Variants in KDM4C observed in about 807,000 individuals in gnomAD.
KDM4C encodes lysine-specific demethylase 4C.
Under a neutral mutation model 129.3 loss-of-function variants are expected in KDM4C, and 81 were observed. The observed-to-expected ratio is 0.63, with a 90% confidence interval of 0.52 to 0.75. The LOEUF is 0.75. Among genes scored for constraint, KDM4C ranks in the 30% least tolerant of loss-of-function variants. KDM4C has a pLI of 0.00. For missense variants in KDM4C, 1,457 were observed against 1,304.0 expected (o/e 1.12, Z -1.81); for synonymous variants, 573 against 456.1 (o/e 1.26, Z -3.26).
At chr9:6,792,380 T>C (rs922315768) in intron 1 of KDM4C, among the ~76,000 whole-genome samples, 3 of 152,094 alleles carry the variant, frequency 2.0e-5, no homozygotes, top group Non-Finnish European at 4.4e-5. Flanking sequence ...TATTTATTTT[T>C]TGAGACGGAG....
chr9:7,041,476 TC>T (rs1828599822), intron 15 of KDM4C, among the ~76,000 whole-genome samples: 1 of 152,032 alleles, frequency 6.6e-6, no homozygotes, highest in African/African-American at 2.4e-5. Flanking sequence ...CTCTGCCAAT[TC>T]CAGTTTGCTT....
chr9:6,969,278 T>G (rs1831531860), intron 8 of KDM4C, among the ~76,000 whole-genome samples: 1 of 152,244 alleles, frequency 6.6e-6, no homozygotes, highest in South Asian at 2.1e-4. Flanking sequence ...CTTAATGCTA[T>G]AGAGCCAGAA....
At chr9:7,124,257 A>G (rs1044280885) in intron 18 of KDM4C, among the ~76,000 whole-genome samples, 8 of 152,230 alleles carry the variant, frequency 5.3e-5, no homozygotes, top group Non-Finnish European at 1.0e-4. Flanking sequence ...TTTTAACAAA[A>G]TATACACTAA....
At chr9:6,881,872 A>G (rs1463980284) in intron 6 of KDM4C, among the ~76,000 whole-genome samples, 1 of 152,238 alleles carries the variant, frequency 6.6e-6, no homozygotes, top group Non-Finnish European at 1.5e-5. Context: ...TTAAAATGAT[A>G]AAATAATGCA....
rs75716770 is a variant in KDM4C at position 6,958,293 on chromosome 9, T to C, written c.922-22632T>C. 1.4e-4 allele frequency among the ~76,000 whole-genome samples: 21 copies of C among 152,220 alleles called. No homozygotes were observed. The East Asian group carries it at 3.7e-3, about 27-fold the overall frequency. ...TGACAGCAGCTAAGGATAAGAATTA[T>C]ATCACATTGAGGCCGGTGCGGTGGC... On this transcript the variant is annotated intron_variant, in intron 8 of 21. Coordinates refer to ENST00000381309, the MANE Select transcript of KDM4C (RefSeq NM_015061.6).
intron 4 of KDM4C, among the ~76,000 whole-genome samples, chr9:6,818,555 T>C (rs1832521950): frequency 6.6e-6 from 1 of 152,122 alleles, no homozygotes; most frequent in Non-Finnish European, 1.5e-5. Flanking sequence ...AGGAAATTGA[T>C]GGTGAGGGAT....
intron 19 of KDM4C, among the ~76,000 whole-genome samples, chr9:7,155,771 G>C (rs1031176103): frequency 3.9e-5 from 6 of 152,174 alleles, no homozygotes; most frequent in African/African-American, 1.4e-4. Flanking sequence ...ATGGACATTT[G>C]TGTTGGTTCC....
chr9:6,852,310 C>T (rs562103904), intron 5 of KDM4C, among the ~76,000 whole-genome samples: 2 of 152,224 alleles, frequency 1.3e-5, no homozygotes, highest in African/African-American at 4.8e-5. Context: ...GCTTAGGACA[C>T]GAGGGCCCAG....
At chr9:7,108,281 G>C (rs1837924708) in intron 18 of KDM4C, among the ~76,000 whole-genome samples, 1 of 152,006 alleles carries the variant, frequency 6.6e-6, no homozygotes, top group Non-Finnish European at 1.5e-5. Context: ...CTGTTACCCA[G>C]GCTGGAGCGC....
At chr9:7,076,605 A>G (rs1833948751) in intron 17 of KDM4C, 1 of 1,438,032 alleles carries the variant, frequency 7.0e-7, no homozygotes, top group Admixed American at 2.6e-5. Flanking sequence ...ATGGGGATAC[A>G]ATAGCCTGAG....
At chr9:6,952,430 T>TATATATAA (rs1491195416) in intron 8 of KDM4C, among the ~76,000 whole-genome samples, 32 of 138,710 alleles carry the variant, frequency 2.3e-4, no homozygotes, top group African/African-American at 8.3e-4. Flanking sequence ...TATATATATA[T>TATATATAA]AATAATAATT....
intron 17 of KDM4C, among the ~76,000 whole-genome samples, chr9:7,077,844 T>A (rs1834097597): frequency 6.6e-6 from 1 of 152,228 alleles, no homozygotes; most frequent in African/African-American, 2.4e-5. Context: ...TGTCAAATAA[T>A]GGCATGTCTG....
intron 8 of KDM4C, among the ~76,000 whole-genome samples, chr9:6,949,812 G>T (rs926841305): frequency 6.6e-6 from 1 of 152,192 alleles, no homozygotes. Context: ...GCTTCGGCTC[G>T]GCATCAGAGG....
chr9:6,730,159 A>G (rs956433083), intron 1 of KDM4C, among the ~76,000 whole-genome samples: 1 of 152,084 alleles, frequency 6.6e-6, no homozygotes, highest in East Asian at 1.9e-4. Flanking sequence ...GAATATGGCC[A>G]TGAGGCCTTG....
At chr9:7,121,609 T>A (rs1316387120) in intron 18 of KDM4C, among the ~76,000 whole-genome samples, 1 of 152,170 alleles carries the variant, frequency 6.6e-6, no homozygotes, top group East Asian at 1.9e-4. Context: ...TTTACCACAG[T>A]GTACACGTGT....
intron 1 of KDM4C, among the ~76,000 whole-genome samples, chr9:6,759,205 T>C (rs774343480): frequency 2.6e-5 from 4 of 152,178 alleles, no homozygotes; most frequent in Admixed American, 1.3e-4. Flanking sequence ...TGAAAGTTAC[T>C]AGTAGGTTCC....
At chr9:6,941,862 C>G (rs961479896) in intron 8 of KDM4C, 3 of 140,940 alleles carry the variant, frequency 2.1e-5, no homozygotes, top group African/African-American at 7.4e-5. Context: ...GTCTCTCTCT[C>G]TCTTGTGTGT....
intron 1 of KDM4C, among the ~76,000 whole-genome samples, chr9:6,779,612 A>C (rs1052490522): frequency 6.6e-6 from 1 of 152,212 alleles, no homozygotes. Context: ...CTCCTGCTGC[A>C]GCAGTGTTCT....
chr9:7,080,777 G>T (rs1834435591), intron 17 of KDM4C, among the ~76,000 whole-genome samples: 1 of 152,168 alleles, frequency 6.6e-6, no homozygotes, highest in Non-Finnish European at 1.5e-5. Flanking sequence ...TCACCTTAAA[G>T]TTAAAAACAG....
Sources: allele counts gnomAD v4.1 joint callset (sites outside exome capture counted in the v4.1 genomes callset), GRCh38; gene constraint gnomAD v4.1.1; transcripts MANE v1.5; gene names NCBI Gene and HGNC (gene_info 2026-07-23, HGNC 2026-07-21).